SYT16: variants seen among roughly 807,000 people sequenced by gnomAD.
The protein encoded by SYT16 is synaptotagmin 16, also known as synaptotagmin-16.
SYT16 carries 42 observed loss-of-function variants against 61.4 expected under a neutral mutation model. The observed-to-expected ratio is 0.68, with a 90% confidence interval of 0.53 to 0.89. The LOEUF is 0.89. Among genes scored for constraint, SYT16 ranks in the 40% least tolerant of loss-of-function variants. The pLI, the probability that SYT16 is intolerant of heterozygous loss-of-function variation, is 0.00. For synonymous variants in SYT16, 314 were observed against 302.3 expected (o/e 1.04, Z -0.40); for missense variants, 804 against 807.3 (o/e 1.00, Z 0.05).
intron 1 of SYT16, among the ~76,000 whole-genome samples, chr14:61,845,492 C>T (rs1273358289): frequency 1.3e-5 from 2 of 152,202 alleles, no homozygotes; most frequent in South Asian, 2.1e-4. Context: ...TATAGTTGCT[C>T]ATAGCAGCCA....
rs1043875249 is a variant in SYT16, at chr14:62,102,903, C to T, written c.*2196C>T. Reference sequence around the variant, plus strand: ...TAGTGAAGATATTTGTGTGCTTGATCTGCCTTCCAATGGTCTGTTTATGAT... The same window carrying T: ...TAGTGAAGATATTTGTGTGCTTGATTTGCCTTCCAATGGTCTGTTTATGAT... On this transcript the variant is annotated 3_prime_UTR_variant, in exon 8 of 8. Coordinates refer to ENST00000683842, the MANE Select transcript of SYT16 (RefSeq NM_001367656.1). 6.6e-6 allele frequency: 1 copy of T among 152,134 alleles called. No homozygotes were observed. The highest frequency in any genetic ancestry group is 2.4e-5 in the African/African-American group (1 of 41,418). 9.4% of individuals were successfully genotyped at this position (152,134 alleles called of 1,614,324 possible). A position where few individuals can be genotyped will look rare whatever the true frequency, so the allele number is the denominator to read the frequency against.
chr14:61,887,084 C>T (rs893487617), intron 1 of SYT16, among the ~76,000 whole-genome samples: 3 of 152,092 alleles, frequency 2.0e-5, no homozygotes, highest in Non-Finnish European at 4.4e-5. Flanking sequence ...ATTGAAATTC[C>T]TCCTTGATCA....
chr14:61,933,032 T>C (rs964399637), intron 1 of SYT16, among the ~76,000 whole-genome samples: 42 of 152,352 alleles, frequency 2.8e-4, no homozygotes, highest in African/African-American at 9.9e-4. Context: ...TACATTCTCT[T>C]TTTTGGTGGA....
intron 7 of SYT16, among the ~76,000 whole-genome samples, chr14:62,093,973 G>A (rs771226339): frequency 2.6e-5 from 4 of 152,050 alleles, no homozygotes; most frequent in East Asian, 1.9e-4. Context: ...GGCACTCCCC[G>A]TTTACTGAGG....
intron 1 of SYT16, among the ~76,000 whole-genome samples, chr14:61,961,227 A>G (rs1375456626): frequency 1.3e-5 from 2 of 152,202 alleles, no homozygotes; most frequent in Non-Finnish European, 2.9e-5. Flanking sequence ...TTTATGACAA[A>G]GATGCCAAAA....
chr14:61,814,569 T>G (rs887088849), intron 1 of SYT16, among the ~76,000 whole-genome samples: 4 of 152,218 alleles, frequency 2.6e-5, no homozygotes, highest in Non-Finnish European at 5.9e-5. Flanking sequence ...CTTCCTTATA[T>G]GGTATACTCA....
chr14:62,096,878 T>A (rs1041940113), intron 7 of SYT16, among the ~76,000 whole-genome samples: 29 of 152,106 alleles, frequency 1.9e-4, no homozygotes, highest in African/African-American at 6.3e-4. Context: ...ATCCTGTCAG[T>A]TTGTGTGATT....
At chr14:61,918,645 A>G (rs1594912198) in intron 1 of SYT16, among the ~76,000 whole-genome samples, 1 of 152,326 alleles carries the variant, frequency 6.6e-6, no homozygotes, top group African/African-American at 2.4e-5. Context: ...ACTTTTAAAA[A>G]TAAAATACAT....
intron 2 of SYT16, among the ~76,000 whole-genome samples, chr14:61,972,930 G>T (rs867717739): frequency 3.9e-5 from 6 of 152,078 alleles, no homozygotes; most frequent in East Asian, 1.9e-4. Context: ...GGTTCTTAGG[G>T]TTACCATAGC....
chr14:61,940,793 G>A (rs1318954788), intron 1 of SYT16, among the ~76,000 whole-genome samples: 3 of 152,092 alleles, frequency 2.0e-5, no homozygotes, highest in Non-Finnish European at 2.9e-5. Context: ...ATAGTGGTGG[G>A]GCAGGCTTCC....
intron 1 of SYT16, among the ~76,000 whole-genome samples, chr14:61,877,375 A>C (rs1308286365): frequency 6.6e-6 from 1 of 152,162 alleles, no homozygotes; most frequent in Non-Finnish European, 1.5e-5. Context: ...TCTTTTGTGA[A>C]GTATGAGGAC....
chr14:61,876,508 A>C (rs2047499793), intron 1 of SYT16, among the ~76,000 whole-genome samples: 1 of 152,258 alleles, frequency 6.6e-6, no homozygotes, highest in Admixed American at 6.5e-5. Flanking sequence ...TACATGAGAC[A>C]CAAAGCAGAA....
intron 3 of SYT16, among the ~76,000 whole-genome samples, chr14:62,065,593 T>G (rs371205102): frequency 1.9e-3 from 291 of 152,346 alleles, no homozygotes; most frequent in African/African-American, 6.6e-3. Flanking sequence ...CTAACTCATT[T>G]GAAATGGATG....
At chr14:61,920,061 C>A (rs1044141928) in intron 1 of SYT16, among the ~76,000 whole-genome samples, 1 of 152,126 alleles carries the variant, frequency 6.6e-6, no homozygotes, top group South Asian at 2.1e-4. Context: ...TCCAGGCCCC[C>A]CGACATACAC....
intron 7 of SYT16, among the ~76,000 whole-genome samples, chr14:62,092,190 AC>A (rs1169767500): frequency 1.2e-4 from 12 of 97,518 alleles, no homozygotes; most frequent in African/African-American, 4.1e-4. Flanking sequence ...ACACACACAC[AC>A]ACACACACAC....
chr14:61,831,742 C>A, intron 1 of SYT16: 1 of 159,758 alleles, frequency 6.3e-6, no homozygotes, highest in Non-Finnish European at 1.3e-5. Context: ...TTTTTTCTTT[C>A]AGGTAAACTG....
At chr14:61,886,415 C>T (rs144211758) in intron 1 of SYT16, among the ~76,000 whole-genome samples, 51 of 152,336 alleles carry the variant, frequency 3.3e-4, no homozygotes, top group Admixed American at 5.9e-4. Flanking sequence ...TCAATCCTCT[C>T]GAACCTTGCC....
At chr14:61,968,082 G>A (rs1253304907) in intron 1 of SYT16, among the ~76,000 whole-genome samples, 3 of 152,008 alleles carry the variant, frequency 2.0e-5, no homozygotes, top group East Asian at 1.9e-4. Context: ...GGAATATACC[G>A]AAACCCCGTC....
intron 1 of SYT16, among the ~76,000 whole-genome samples, chr14:61,967,597 G>A (rs1389169961): frequency 6.6e-6 from 1 of 152,202 alleles, no homozygotes; most frequent in African/African-American, 2.4e-5. Flanking sequence ...GGCTTCATGT[G>A]GCTTTCATCT....
Sources: allele counts gnomAD v4.1 joint callset (sites outside exome capture counted in the v4.1 genomes callset), GRCh38; gene constraint gnomAD v4.1.1; transcripts MANE v1.5; gene names NCBI Gene and HGNC (gene_info 2026-07-23, HGNC 2026-07-21).